Variants in CDH18 observed in about 807,000 individuals in gnomAD.
The protein encoded by CDH18 is cadherin 18, also known as cadherin-18.
CDH18 carries 31 observed loss-of-function variants against 67.9 expected under a neutral mutation model. That is an observed-to-expected ratio of 0.46 (90% CI 0.34 to 0.62). The LOEUF is 0.62. Ranked by LOEUF, CDH18 falls within the 20% of genes least tolerant of loss-of-function variation. The pLI is 0.01. For synonymous variants in CDH18, 362 were observed against 347.2 expected (o/e 1.04, Z -0.48); for missense variants, 890 against 975.5 (o/e 0.91, Z 1.17).
rs1183476430 is a variant in CDH18, at chr5:19,520,647, A to T, written c.1512+10T>A. 3 of 1,605,030 alleles carry T rather than the reference A, an allele frequency of 1.9e-6. No homozygotes were observed. Among genetic ancestry groups the T allele is most frequent in the Non-Finnish European group, 2.5e-6 (3 of 1,176,722 alleles). On this transcript the variant is annotated intron_variant, in intron 10 of 12. Transcript: ENST00000382275. ...CATTCAAATGAGGAGGAAGGAAACA[A>T]TTAACTTACCTGGCCAGGCTTAGAA... is the stretch of plus-strand genomic sequence containing the variant.
chr5:19,714,217 A>G (rs1342580520), intron 5 of CDH18, among the ~76,000 whole-genome samples: 1 of 152,120 alleles, frequency 6.6e-6, no homozygotes, highest in African/African-American at 2.4e-5. Context: ...TTTTCCTAAA[A>G]TACCTCAGTG....
At position 19,721,459 on chromosome 5, in the gene CDH18, A is replaced by C. The variant is rs1337822601; in HGVS notation, c.531T>G (p.Ser177=). The C allele has an allele frequency of 1.2e-6, 2 of 1,609,412 alleles. No individual in the cohort carries two copies. Among genetic ancestry groups the C allele is most frequent in the Admixed American group, 3.4e-5 (2 of 59,650 alleles). Residue 177 remains serine, a synonymous_variant, in exon 5 of 13, where the codon TCT becomes TCG. Coordinates refer to ENST00000382275, the MANE Select transcript of CDH18 (RefSeq NM_004934.5). ...TVPEMSDMGT[S]VLQVTATDAD... is the part of the protein sequence containing the mutation. ...CATCAGTAGCTGTCACCTGTAGAAC[A>C]GAGGTACCTGTGCATTCAGGAAAAC...
intron 1 of CDH18, among the ~76,000 whole-genome samples, chr5:20,361,793 A>G (rs958646191): frequency 1.3e-5 from 2 of 152,166 alleles, no homozygotes; most frequent in Non-Finnish European, 2.9e-5. Flanking sequence ...ACATTACATT[A>G]AAGTGCATTA....
chr5:20,167,535 T>G (rs1194537157), intron 2 of CDH18, among the ~76,000 whole-genome samples: 1 of 152,028 alleles, frequency 6.6e-6, no homozygotes, highest in Non-Finnish European at 1.5e-5. Flanking sequence ...AGAACTATCT[T>G]GATAATACCA....
chr5:20,242,693 C>T (rs1252039285), intron 2 of CDH18, among the ~76,000 whole-genome samples: 2 of 120,500 alleles, frequency 1.7e-5, no homozygotes, highest in Non-Finnish European at 3.5e-5. Flanking sequence ...TCTATTTTCA[C>T]AAATAAAGAT....
intron 1 of CDH18, among the ~76,000 whole-genome samples, chr5:20,569,809 C>T (rs577644388): frequency 4.6e-5 from 7 of 152,294 alleles, no homozygotes; most frequent in Admixed American, 3.3e-4. Context: ...AATAAACAAA[C>T]TGTGGCTCAT....
intron 7 of CDH18, among the ~76,000 whole-genome samples, chr5:19,585,330 C>A (rs759750898): frequency 2.6e-5 from 4 of 152,152 alleles, no homozygotes; most frequent in Non-Finnish European, 5.9e-5. Context: ...TCCACTGCCA[C>A]TTTCACTTTT....
chr5:19,501,885 T>G (rs969330270), intron 11 of CDH18, among the ~76,000 whole-genome samples: 2 of 152,194 alleles, frequency 1.3e-5, no homozygotes, highest in Non-Finnish European at 2.9e-5. Context: ...GACAGCCTGT[T>G]CTAATGTAAG....
In CDH18 at chr5:19,834,753, C is replaced by A. The variant is rs548015039; in HGVS notation, c.228+4006G>T. ...GGTTCTCATTGGTTTCAAATAACTT[C>A]TTGATTTCTGCCTTAATTTCATTAT... On this transcript the variant is annotated intron_variant, in intron 3 of 12. Coordinates refer to ENST00000382275, the MANE Select transcript of CDH18 (RefSeq NM_004934.5). Among the ~76,000 whole-genome samples, 5 of 152,202 alleles carry A rather than the reference C, an allele frequency of 3.3e-5. No individual in the cohort carries two copies. The East Asian group carries it at 9.7e-4, about 29-fold the overall frequency.
At chr5:19,683,880 A>G (rs1760689747) in intron 5 of CDH18, among the ~76,000 whole-genome samples, 3 of 152,100 alleles carry the variant, frequency 2.0e-5, no homozygotes, top group Non-Finnish European at 2.9e-5. Flanking sequence ...TCAAACCACT[A>G]TGCAGATTTC....
At chr5:19,720,241 T>C (rs1765905789) in intron 5 of CDH18, among the ~76,000 whole-genome samples, 1 of 152,168 alleles carries the variant, frequency 6.6e-6, no homozygotes, top group Admixed American at 6.5e-5. Context: ...TTATATGCTA[T>C]ATAATTATAG....
At chr5:20,014,927 A>C (rs1302353929) in intron 2 of CDH18, among the ~76,000 whole-genome samples, 1 of 152,134 alleles carries the variant, frequency 6.6e-6, no homozygotes, top group Non-Finnish European at 1.5e-5. Context: ...TCTAGAGAGC[A>C]TCCTCAACAA....
At chr5:20,460,503 T>C (rs2060644004) in intron 1 of CDH18, among the ~76,000 whole-genome samples, 1 of 152,134 alleles carries the variant, frequency 6.6e-6, no homozygotes, top group South Asian at 2.1e-4. Context: ...CTCTGGCCCA[T>C]GAGCATGATG....
intron 1 of CDH18, among the ~76,000 whole-genome samples, chr5:20,271,313 T>G (rs1745418319): frequency 6.6e-6 from 1 of 152,210 alleles, no homozygotes; most frequent in East Asian, 1.9e-4. Context: ...GGTCAATGAT[T>G]ACGAAGTAGA....
chr5:20,306,199 C>G (rs761063817), intron 1 of CDH18, among the ~76,000 whole-genome samples: 5 of 152,094 alleles, frequency 3.3e-5, no homozygotes, highest in Non-Finnish European at 7.4e-5. Flanking sequence ...GAAAATGCTT[C>G]AATATAAATT....
In CDH18 at chr5:19,839,171, T is replaced by C. The variant is rs552400684; in HGVS notation, c.-185A>G. The C allele has an allele frequency of 1.8e-6, 1 of 555,754 alleles. No individual in the cohort carries two copies. The highest frequency in any genetic ancestry group is 1.9e-5 in the African/African-American group (1 of 53,420). The allele number at this position is 555,754 out of a possible 1,614,324, so 34.4% of individuals were successfully genotyped here. A position where few individuals can be genotyped will look rare whatever the true frequency, so the allele number is the denominator to read the frequency against. On this transcript the variant is annotated 5_prime_UTR_variant, in exon 3 of 13. Coordinates refer to ENST00000382275, the MANE Select transcript of CDH18 (RefSeq NM_004934.5). Reference sequence around the variant, plus strand: ...AGATCATATTTACATTCTGAACCACTTGGAAAATCAAAGCCGTAGTTGTCT... The same window carrying C: ...AGATCATATTTACATTCTGAACCACCTGGAAAATCAAAGCCGTAGTTGTCT...
intron 1 of CDH18, among the ~76,000 whole-genome samples, chr5:20,343,784 A>G (rs992850730): frequency 6.6e-6 from 1 of 152,152 alleles, no homozygotes; most frequent in African/African-American, 2.4e-5. Flanking sequence ...GGAAAGAGAG[A>G]CACTTCCTTA....
At chr5:19,506,091 G>A (rs979512435) in intron 10 of CDH18, among the ~76,000 whole-genome samples, 1 of 151,168 alleles carries the variant, frequency 6.6e-6, no homozygotes, top group Non-Finnish European at 1.5e-5. Flanking sequence ...AATCAATGTG[G>A]AAAAATCACA....
At chr5:19,898,429 G>A (rs1295506897) in intron 2 of CDH18, among the ~76,000 whole-genome samples, 1 of 151,810 alleles carries the variant, frequency 6.6e-6, no homozygotes, top group Non-Finnish European at 1.5e-5. Context: ...AAATTTCAGG[G>A]TGCCTTTTAT....
Sources: gnomAD v4.1 joint callset for allele counts (sites outside exome capture counted in the v4.1 genomes callset) on GRCh38, gnomAD v4.1.1 for gene constraint, MANE v1.5 for transcripts, NCBI Gene and HGNC (gene_info 2026-07-23, HGNC 2026-07-21) for gene names.